PPFIBP1: variants seen among roughly 807,000 people sequenced by gnomAD.
The protein encoded by PPFIBP1 is liprin-beta-1.
In PPFIBP1, 112 loss-of-function variants were observed where a neutral mutation model predicts 137.8. The ratio of observed to expected loss-of-function variants is 0.81; its 90% CI spans 0.70 to 0.95. The LOEUF (loss-of-function observed/expected upper bound fraction) is 0.95. PPFIBP1 is among the 40% of genes least tolerant of loss of function. The pLI is 0.00. For synonymous variants in PPFIBP1, 378 were observed against 417.3 expected (o/e 0.91, Z 1.15); for missense variants, 1,083 against 1,196.6 (o/e 0.91, Z 1.40).
chr12:27,608,913 A>G (rs2054802830), intron 2 of PPFIBP1: 1 of 192,350 alleles, frequency 5.2e-6, no homozygotes, highest in African/African-American at 2.4e-5. Context: ...TTGTCTGAAG[A>G]TTTATCCTTT....
intron 1 of PPFIBP1, among the ~76,000 whole-genome samples, chr12:27,551,881 CTG>C (rs1246110549): frequency 6.6e-6 from 1 of 152,180 alleles, no homozygotes; most frequent in African/African-American, 2.4e-5. Flanking sequence ...TTTTGACAGA[CTG>C]TGGTTCATAA....
intron 2 of PPFIBP1, among the ~76,000 whole-genome samples, chr12:27,579,574 C>T (rs1419594814): frequency 6.6e-6 from 1 of 152,176 alleles, no homozygotes; most frequent in Admixed American, 6.5e-5. Context: ...GTGAAATCTA[C>T]AATATTATGT....
intron 2 of PPFIBP1, among the ~76,000 whole-genome samples, chr12:27,624,324 AC>A (rs2056618959): frequency 6.6e-6 from 1 of 152,254 alleles, no homozygotes; most frequent in Admixed American, 6.5e-5. Flanking sequence ...TGTAGTCATA[AC>A]AATAGCTAGT....
intron 9 of PPFIBP1, 38 bp from the exon 10 acceptor site, chr12:27,658,778 G>T: frequency 6.3e-7 from 1 of 1,579,512 alleles, no homozygotes; most frequent in Non-Finnish European, 8.7e-7. Context: ...TTGTTGTAAT[G>T]TATGCTAACT....
intron 2 of PPFIBP1, among the ~76,000 whole-genome samples, chr12:27,587,396 C>T (rs958867654): frequency 2.0e-5 from 3 of 151,826 alleles, no homozygotes; most frequent in Admixed American, 6.6e-5. Flanking sequence ...CCGAGGCGGG[C>T]GGATCACGGA....
intron 1 of PPFIBP1, among the ~76,000 whole-genome samples, chr12:27,564,238 G>T (rs1489661430): frequency 6.6e-6 from 1 of 152,140 alleles, no homozygotes; most frequent in Non-Finnish European, 1.5e-5. Flanking sequence ...TGAACTTTTG[G>T]TCTTTCTTCT....
rs2059128390 is a variant in PPFIBP1 at position 27,655,289 on chromosome 12, T to A, written c.696+475T>A. ...ATGGCCTGTTGCTTTCTGGCTTGTG[T>A]TGTTTTGCTGTGATGATGTTTTTAG... On this transcript the variant is annotated intron_variant, in intron 8 of 29. Transcript: ENST00000228425. 4.0e-6 allele frequency: 5 copies of A among 1,235,574 alleles called. No homozygotes were observed. The East Asian group carries it at 1.0e-4, about 25-fold the overall frequency. 76.5% of individuals were successfully genotyped at this position (1,235,574 alleles called of 1,614,324 possible). A position where few individuals can be genotyped will look rare whatever the true frequency, so the allele number is the denominator to read the frequency against.
intron 2 of PPFIBP1, among the ~76,000 whole-genome samples, chr12:27,585,811 G>C (rs2051675436): frequency 6.6e-6 from 1 of 152,132 alleles, no homozygotes; most frequent in South Asian, 2.1e-4. Context: ...GACTGGAGAA[G>C]TAGCACATTA....
At chr12:27,682,295 A>G in intron 22 of PPFIBP1, 92 bp from the exon 23 acceptor site, 1 of 885,728 alleles carries the variant, frequency 1.1e-6, no homozygotes, top group Non-Finnish European at 1.8e-6. Context: ...TGGGTCTTTA[A>G]TGCTAGCTTC....
chr12:27,613,160 C>T lies in PPFIBP1; in HGVS notation c.-35-20202C>T, dbSNP rs867680302. Among the ~76,000 whole-genome samples the T allele has an allele frequency of 3.9e-5, 6 of 152,350 alleles. No individual in the cohort carries two copies. In the South Asian group the frequency reaches 1.2e-3, roughly 32 times the overall value. On this transcript the variant is annotated intron_variant, in intron 2 of 29. Transcript: ENST00000228425. ...TTCATAAGCTGCTATTAGACTCTCC[C>T]TGATTGCCATGCCTGGCTTCTGTTG... is the stretch of plus-strand genomic sequence containing the variant.
At chr12:27,589,135 A>G (rs1294418267) in intron 2 of PPFIBP1, among the ~76,000 whole-genome samples, 1 of 152,254 alleles carries the variant, frequency 6.6e-6, no homozygotes, top group African/African-American at 2.4e-5. Flanking sequence ...TGCATGCTAT[A>G]TAAGTTCTCC....
rs1306431624 is a variant in PPFIBP1, at chr12:27,559,680, A to G, written c.-123-18472A>G. Among the ~76,000 whole-genome samples the G allele has an allele frequency of 2.6e-5, 4 of 152,254 alleles. No individual in the cohort carries two copies. In the East Asian group the frequency reaches 7.7e-4, roughly 29 times the overall value. Reference sequence around the variant, plus strand: ...GTACCAAAACTCTCTGTGATTTTACAATTGGATCATAAGGATACCTGTGGT... The same window carrying G: ...GTACCAAAACTCTCTGTGATTTTACGATTGGATCATAAGGATACCTGTGGT... On this transcript the variant is annotated intron_variant, in intron 1 of 29. Coordinates refer to ENST00000228425, the MANE Select transcript of PPFIBP1 (RefSeq NM_003622.4).
intron 13 of PPFIBP1, among the ~76,000 whole-genome samples, chr12:27,670,555 C>G (rs1243099529): frequency 6.6e-6 from 1 of 152,094 alleles, no homozygotes; most frequent in East Asian, 1.9e-4. Context: ...GGCAGGAGGA[C>G]TGCTCGAGCA....
chr12:27,681,543 T>C lies in PPFIBP1; in HGVS notation c.1896-3T>C, dbSNP rs2060874925. The C allele has an allele frequency of 6.2e-7, 1 of 1,613,518 alleles. No homozygotes were observed. The highest frequency in any genetic ancestry group is 1.3e-5 in the African/African-American group (1 of 75,060). On this transcript the variant is annotated splice_polypyrimidine_tract_variant and splice_region_variant and intron_variant, in intron 21 of 29. Coordinates refer to ENST00000228425, the MANE Select transcript of PPFIBP1 (RefSeq NM_003622.4). ...TTTCATGCAATTACTCATTTTCCTG[T>C]AGTGACTTGGATATGCCATTTGCCA...
intron 1 of PPFIBP1, among the ~76,000 whole-genome samples, chr12:27,531,080 C>CT: frequency 6.6e-6 from 1 of 152,318 alleles, no homozygotes; most frequent in South Asian, 2.1e-4. Context: ...CATAGTTCAT[C>CT]TTTTCTTTAA....
chr12:27,542,485 C>G (rs1945776643), intron 1 of PPFIBP1, among the ~76,000 whole-genome samples: 1 of 152,112 alleles, frequency 6.6e-6, no homozygotes, highest in South Asian at 2.1e-4. Context: ...AATTTTGCGC[C>G]CACCTAGTAT....
At chr12:27,654,680 T>G (rs1461027165) in intron 7 of PPFIBP1, 42 bp from the exon 8 acceptor site, 3 of 1,596,706 alleles carry the variant, frequency 1.9e-6, no homozygotes. Flanking sequence ...GGTAACTGTG[T>G]TACCACTTTC....
chr12:27,691,252 A>T (rs1198407962), intron 27 of PPFIBP1, among the ~76,000 whole-genome samples: 1 of 151,744 alleles, frequency 6.6e-6, no homozygotes, highest in Non-Finnish European at 1.5e-5. Flanking sequence ...TTCAGCTGTG[A>T]GAAATCTCAT....
chr12:27,620,451 C>A (rs1267916474), intron 2 of PPFIBP1, among the ~76,000 whole-genome samples: 5 of 152,238 alleles, frequency 3.3e-5, no homozygotes, highest in Non-Finnish European at 1.5e-5. Context: ...GGAAGCTCTT[C>A]TCAGATATTT....
Sources: allele counts gnomAD v4.1 joint callset (sites outside exome capture counted in the v4.1 genomes callset), GRCh38; gene constraint gnomAD v4.1.1; transcripts MANE v1.5; gene names NCBI Gene and HGNC (gene_info 2026-07-23, HGNC 2026-07-21).